Variants in SLC35F3 observed in about 807,000 individuals in gnomAD.
SLC35F3 encodes putative thiamine transporter SLC35F3.
A neutral mutation model predicts 49.9 loss-of-function variants in SLC35F3; 25 were observed. The observed-to-expected ratio is 0.50, with a 90% CI of 0.37 to 0.70. SLC35F3 has a LOEUF of 0.70. Ranked by LOEUF, SLC35F3 falls within the 30% of genes least tolerant of loss-of-function variation. SLC35F3 has a pLI of 0.00. For synonymous variants in SLC35F3, 275 were observed against 265.4 expected (o/e 1.04, Z -0.35); for missense variants, 525 against 639.8 (o/e 0.82, Z 1.94).
chr1:234,263,810 T>C (rs1667939861), intron 3 of SLC35F3, among the ~76,000 whole-genome samples: 1 of 152,088 alleles, frequency 6.6e-6, no homozygotes, highest in Admixed American at 6.6e-5. Flanking sequence ...CAGGGGAGCT[T>C]TTAAGAGTCC....
At chr1:234,160,348 G>A (rs1013671258) in intron 2 of SLC35F3, among the ~76,000 whole-genome samples, 12 of 152,032 alleles carry the variant, frequency 7.9e-5, no homozygotes, top group Non-Finnish European at 1.3e-4. Context: ...GAAGACCCAG[G>A]CAGCACAACA....
At chr1:233,955,913 T>C (rs71638481) in intron 2 of SLC35F3, among the ~76,000 whole-genome samples, 106 of 116,962 alleles carry the variant, frequency 9.1e-4, no homozygotes, top group African/African-American at 3.7e-3. Flanking sequence ...TTTGAGTTGG[T>C]GTCTCGCTCT....
chr1:234,140,059 C>A (rs1665885433), intron 2 of SLC35F3, among the ~76,000 whole-genome samples: 2 of 151,798 alleles, frequency 1.3e-5, no homozygotes, highest in East Asian at 1.9e-4. Context: ...GATAGCAGAT[C>A]TGGCTACTAA....
chr1:234,268,552 G>T (rs1168785580), intron 3 of SLC35F3: 1 of 152,194 alleles, frequency 6.6e-6, no homozygotes, highest in Admixed American at 6.5e-5. Context: ...TTATGGATTG[G>T]AATCCAAAGA....
In SLC35F3 at chr1:234,175,953, T is replaced by TC. The variant is rs529367763; in HGVS notation, c.284-55462dup. Among the ~76,000 whole-genome samples the TC allele has an allele frequency of 1.8e-4, 28 of 152,228 alleles. 1 individual carries two copies. The South Asian group carries it at 5.6e-3, about 30-fold the overall frequency. On this transcript the variant is annotated intron_variant, in intron 2 of 7. Transcript: ENST00000366618. ...GGCCTCCAATCTTTCTCCAGCCAAA[T>TC]CCTTTCTTTCTCAAGCATATCTCTG...
At chr1:234,302,959 A>G (rs1668717098) in intron 3 of SLC35F3, among the ~76,000 whole-genome samples, 1 of 152,196 alleles carries the variant, frequency 6.6e-6, no homozygotes, top group Admixed American at 6.5e-5. Flanking sequence ...AACTTCTTCC[A>G]GCTCCACATC....
Position 234,214,326 on chromosome 1 carries a change from C to T in SLC35F3, c.284-17091C>T. On this transcript the variant is annotated intron_variant, in intron 2 of 7. Transcript: ENST00000366618. This position sits in a 1 kb window ranked among gnomAD's most constrained non-coding sequence, Gnocchi z 8.0. ...AGGGCGGCCGCCGCAGTGAGCAACGCGGCAACCGGAGCCCGGCGGGCAGCC... is the reference window on the plus strand; with the variant it reads ...AGGGCGGCCGCCGCAGTGAGCAACGTGGCAACCGGAGCCCGGCGGGCAGCC... 7.6e-7 allele frequency: 1 copy of T among 1,309,528 alleles called. No homozygotes were observed. The highest frequency in any genetic ancestry group is 9.7e-7 in the Non-Finnish European group (1 of 1,032,468). The allele number at this position is 1,309,528 out of a possible 1,614,324, so 81.1% of individuals were successfully genotyped here.
At chr1:234,092,349 C>G (rs889583055) in intron 2 of SLC35F3, among the ~76,000 whole-genome samples, 1 of 152,158 alleles carries the variant, frequency 6.6e-6, no homozygotes, top group African/African-American at 2.4e-5. Context: ...CTCTTCCATT[C>G]CCTCAGGAGT....
chr1:234,199,960 T>G (rs1207513600), intron 2 of SLC35F3, among the ~76,000 whole-genome samples: 1 of 152,218 alleles, frequency 6.6e-6, no homozygotes, highest in Non-Finnish European at 1.5e-5. Flanking sequence ...CCTGTTAGAA[T>G]GCAGTTACCA....
chr1:234,042,321 T>C (rs1664233448), intron 2 of SLC35F3, among the ~76,000 whole-genome samples: 1 of 152,238 alleles, frequency 6.6e-6, no homozygotes, highest in Non-Finnish European at 1.5e-5. Flanking sequence ...ATTCTGATGA[T>C]ATGGTACCAA....
intron 2 of SLC35F3, among the ~76,000 whole-genome samples, chr1:234,000,267 T>C (rs914263056): frequency 3.3e-5 from 5 of 152,228 alleles, no homozygotes; most frequent in Admixed American, 6.5e-5. Flanking sequence ...TTAGTTAGGA[T>C]TGCAGTCCAA....
chr1:233,989,802 G>A (rs1227481660), intron 2 of SLC35F3, among the ~76,000 whole-genome samples: 1 of 152,092 alleles, frequency 6.6e-6, no homozygotes, highest in Non-Finnish European at 1.5e-5. Context: ...CTGACCTTCT[G>A]ATTAGTTTGC....
chr1:234,113,667 C>T (rs992063245), intron 2 of SLC35F3, among the ~76,000 whole-genome samples: 1 of 152,082 alleles, frequency 6.6e-6, no homozygotes, highest in Admixed American at 6.6e-5. Flanking sequence ...AGTTCAAGAC[C>T]AGCCTGACCA....
chr1:234,044,636 A>G (rs929273396), intron 2 of SLC35F3, among the ~76,000 whole-genome samples: 2 of 152,210 alleles, frequency 1.3e-5, no homozygotes, highest in African/African-American at 4.8e-5. Context: ...GTCAATTTCA[A>G]GGGTATAAAA....
At chr1:233,935,189 CTTTT>C (rs35418747) in intron 2 of SLC35F3, among the ~76,000 whole-genome samples, 18 of 50,304 alleles carry the variant, frequency 3.6e-4, no homozygotes, top group African/African-American at 1.3e-3. Context: ...TTTCCTTGCC[CTTTT>C]TTTTTTTTTT....
intron 2 of SLC35F3, among the ~76,000 whole-genome samples, chr1:234,129,155 A>G (rs1665695829): frequency 6.6e-6 from 1 of 152,214 alleles, no homozygotes; most frequent in Admixed American, 6.5e-5. Context: ...TTTAAAATAC[A>G]TACACCTCCA....
At chr1:233,985,499 A>G (rs1480152496) in intron 2 of SLC35F3, among the ~76,000 whole-genome samples, 1 of 152,196 alleles carries the variant, frequency 6.6e-6, no homozygotes, top group Admixed American at 6.5e-5. Context: ...ATTTCTTAAC[A>G]TGTCATGTAA....
chr1:234,232,300 TG>T (rs1243506531), intron 3 of SLC35F3, among the ~76,000 whole-genome samples: 2 of 151,968 alleles, frequency 1.3e-5, no homozygotes, highest in African/African-American at 4.8e-5. Flanking sequence ...TTTTCTCAAA[TG>T]GAGTCCATTG....
At chr1:234,063,197 A>C (rs970480705) in intron 2 of SLC35F3, among the ~76,000 whole-genome samples, 5 of 152,138 alleles carry the variant, frequency 3.3e-5, no homozygotes. Flanking sequence ...GTGAGGAGTT[A>C]CAGATGAACT....
Sources: gnomAD v4.1 joint callset for allele counts (sites outside exome capture counted in the v4.1 genomes callset) on GRCh38, gnomAD v4.1.1 for gene constraint, Gnocchi (gnomAD v3.1) non-coding constraint, MANE v1.5 for transcripts, NCBI Gene and HGNC (gene_info 2026-07-23, HGNC 2026-07-21) for gene names.